LMO7: variants seen among roughly 807,000 people sequenced by gnomAD.
LMO7 encodes the protein LIM domain 7, also known as LIM domain only protein 7.
In LMO7, 120 loss-of-function variants were observed where a neutral mutation model predicts 206.5. The observed-to-expected ratio is 0.58, with a 90% confidence interval of 0.50 to 0.68. The LOEUF is 0.68. Among genes scored for constraint, LMO7 ranks in the 30% least tolerant of loss-of-function variants. The pLI is 0.00. For synonymous variants in LMO7, 706 were observed against 681.5 expected, an observed-to-expected ratio of 1.04 and a Z score of -0.56; for missense variants, 1,959 against 1,957.9, an observed-to-expected ratio of 1.00 and a Z score of -0.01.
At chr13:75,758,185 A>AT (rs914628006) in intron 3 of LMO7, among the ~76,000 whole-genome samples, 9 of 152,030 alleles carry the variant, frequency 5.9e-5, no homozygotes, top group Admixed American at 1.3e-4. Context: ...TTTGTCCTTT[A>AT]TTTTCCCTTT....
intron 4 of LMO7, among the ~76,000 whole-genome samples, chr13:75,763,542 G>C (rs1473159896): frequency 6.6e-6 from 1 of 152,138 alleles, no homozygotes; most frequent in Non-Finnish European, 1.5e-5. Context: ...TAATATGTGT[G>C]AGTACTTTGA....
intron 4 of LMO7, among the ~76,000 whole-genome samples, chr13:75,783,550 T>C (rs1306854374): frequency 6.6e-6 from 1 of 152,208 alleles, no homozygotes; most frequent in Non-Finnish European, 1.5e-5. Context: ...CTGGAACTCC[T>C]GACCTCAAGT....
intron 1 of LMO7, among the ~76,000 whole-genome samples, chr13:75,709,048 T>C (rs2042875015): frequency 6.6e-6 from 1 of 151,758 alleles, no homozygotes; most frequent in African/African-American, 2.4e-5. Flanking sequence ...ACATGCGGTG[T>C]TTGGTTTTTT....
At chr13:75,844,353 T>C (rs1243983104) in intron 25 of LMO7, among the ~76,000 whole-genome samples, 1 of 150,828 alleles carries the variant, frequency 6.6e-6, no homozygotes. Flanking sequence ...TAATATTACA[T>C]ATTATAATGT....
chr13:75,810,985 TG>T (rs1382553500), intron 11 of LMO7, among the ~76,000 whole-genome samples: 1 of 152,226 alleles, frequency 6.6e-6, no homozygotes, highest in Non-Finnish European at 1.5e-5. Flanking sequence ...TGCAGTTCAA[TG>T]CCAAGGTAAC....
chr13:75,834,548 T>C (rs1296133356), intron 17 of LMO7, among the ~76,000 whole-genome samples, 161 bp downstream of exon 17: 1 of 148,320 alleles, frequency 6.7e-6, no homozygotes, highest in Non-Finnish European at 1.5e-5. Context: ...CCCTACCCCT[T>C]TGAATACTCT....
At chr13:75,836,496 A>C (rs1293651938) in intron 19 of LMO7, 39 bp downstream of exon 19, 2 of 1,044,392 alleles carry the variant, frequency 1.9e-6, no homozygotes, top group Non-Finnish European at 2.8e-6. Flanking sequence ...ATAATACAGG[A>C]AAAGACATAG....
chr13:75,727,948 C>T (rs1240239825), intron 3 of LMO7, among the ~76,000 whole-genome samples: 1 of 152,096 alleles, frequency 6.6e-6, no homozygotes, highest in Non-Finnish European at 1.5e-5. Flanking sequence ...CTACAAAGGA[C>T]ATGAACGCAT....
At chr13:75,705,496 C>T (rs1031331538) in intron 1 of LMO7, among the ~76,000 whole-genome samples, 6 of 152,096 alleles carry the variant, frequency 3.9e-5, no homozygotes, top group African/African-American at 1.2e-4. Flanking sequence ...AAATTGTATA[C>T]AAGGCAGGGT....
chr13:75,836,973 C>T (rs977942138), intron 19 of LMO7, among the ~76,000 whole-genome samples: 4 of 152,086 alleles, frequency 2.6e-5, no homozygotes, highest in African/African-American at 9.7e-5. Flanking sequence ...TTCTTCTGCC[C>T]ATCCAGAAAT....
At chr13:75,852,544 T>A (rs1214951863) in intron 27 of LMO7, among the ~76,000 whole-genome samples, 1 of 152,352 alleles carries the variant, frequency 6.6e-6, no homozygotes, top group East Asian at 1.9e-4. Flanking sequence ...CTATGAAACA[T>A]GATGCCACTG....
chr13:75,658,409 C>T (rs2139224308), intron 1 of LMO7, among the ~76,000 whole-genome samples: 1 of 152,004 alleles, frequency 6.6e-6, no homozygotes, highest in South Asian at 2.1e-4. Context: ...AACATCTTTA[C>T]AATGTTTTAG....
intron 4 of LMO7, among the ~76,000 whole-genome samples, chr13:75,781,626 C>G (rs1360819804): frequency 1.3e-5 from 2 of 151,422 alleles, no homozygotes; most frequent in South Asian, 4.2e-4. Flanking sequence ...GATTTATAAT[C>G]CTTTGGGTAT....
chr13:75,730,580 C>G (rs994641390), intron 3 of LMO7, among the ~76,000 whole-genome samples: 12 of 150,318 alleles, frequency 8.0e-5, no homozygotes, highest in African/African-American at 2.2e-4. Flanking sequence ...AAAAAACCAG[C>G]TCCTGGATTC....
At chr13:75,688,054 T>A (rs952351249) in intron 1 of LMO7, among the ~76,000 whole-genome samples, 2 of 152,192 alleles carry the variant, frequency 1.3e-5, no homozygotes, top group African/African-American at 4.8e-5. Context: ...TGCCGCCACG[T>A]AAGATGTGCC....
chr13:75,763,877 GT>G (rs2048512837), intron 4 of LMO7, among the ~76,000 whole-genome samples: 1 of 151,814 alleles, frequency 6.6e-6, no homozygotes, highest in Non-Finnish European at 1.5e-5. Context: ...TTAATGAATA[GT>G]TTCAATAATC....
At chr13:75,682,036 G>A (rs1041060627) in intron 1 of LMO7, among the ~76,000 whole-genome samples, 1 of 151,998 alleles carries the variant, frequency 6.6e-6, no homozygotes, top group Non-Finnish European at 1.5e-5. Flanking sequence ...GAAAGTATAT[G>A]CTAAAGTTTA....
At chr13:75,631,285 G>T (rs562410536) in intron 2 of LMO7, 1 of 152,290 alleles carries the variant, frequency 6.6e-6, no homozygotes, top group Admixed American at 6.5e-5. Context: ...GCCTCCCAAA[G>T]TGCTGGGATT....
upstream of LMO7, chr13:75,635,801 G>C (rs1284182995): frequency 6.6e-6 from 1 of 152,206 alleles, no homozygotes; most frequent in Non-Finnish European, 1.5e-5. Flanking sequence ...CGCAGGGGGC[G>C]GGGAGCGTGG....
Sources: allele counts gnomAD v4.1 joint callset (sites outside exome capture counted in the v4.1 genomes callset), GRCh38; gene constraint gnomAD v4.1.1; transcripts MANE v1.5; gene names NCBI Gene and HGNC (gene_info 2026-07-23, HGNC 2026-07-21).